The following ECSIT variants were observed in gnomAD, a reference collection of about 807,000 sequenced individuals.
ECSIT encodes evolutionarily conserved signaling intermediate in Toll pathway, mitochondrial.
A neutral mutation model predicts 36.8 loss-of-function variants in ECSIT; 29 were observed. That is an observed-to-expected ratio of 0.79 (90% CI 0.59 to 1.08). ECSIT has a LOEUF of 1.08. Among genes scored for constraint, ECSIT ranks in the 50% least tolerant of loss-of-function variants. The probability of loss-of-function intolerance (pLI) is 0.00; values close to 1 mark genes in which losing one functional copy is unlikely to be tolerated. For missense variants in ECSIT, 542 were observed against 581.0 expected (o/e 0.93, Z 0.69); for synonymous variants, 231 against 234.8 (o/e 0.98, Z 0.15).
In ECSIT at chr19:11,513,836, C is replaced by T. The variant is rs1971927524; in HGVS notation, c.482G>A (p.Gly161Glu). Residue 161 changes from glycine (G) to glutamate (E), a missense_variant, in exon 3 of 8, where the codon GGG (glycine) becomes GAG (glutamate). Physicochemically the swap from Gly to Glu is moderately conservative, Grantham distance 98 (BLOSUM62 -2). Coordinates refer to ENST00000270517, the MANE Select transcript of ECSIT (RefSeq NM_016581.5). ...CTCCATCTGCTCCAGGACAGCAATC[C>T]CACACTCCTGCTGCCGAGGGTAGTG... ...FVHYPRQQEC[G>E]IAVLEQMENH... 1 of 1,614,004 alleles carries T rather than the reference C, an allele frequency of 6.2e-7. No homozygotes were observed. The highest frequency in any genetic ancestry group is 1.1e-5 in the South Asian group (1 of 91,086).
chr19:11,519,158 G>C lies in ECSIT; in HGVS notation c.13C>G (p.Gln5Glu). 6.5e-7 allele frequency: 1 copy of C among 1,549,982 alleles called. No individual in the cohort carries two copies. Among genetic ancestry groups the C allele is most frequent in the African/African-American group, 1.4e-5 (1 of 73,116 alleles). MSWVQATLLARGLCR... is the reference protein window; with the variant it reads MSWVEATLLARGLCR... ...AGGCCTCGGGCCAGTAGGGTGGCCT[G>C]GACCCAGCTCATGCCTCTGCTTGTC... The change falls in exon 2 of 8, where the codon CAG (glutamine) becomes GAG (glutamate). Residue 5 changes from glutamine (Q) to glutamate (E), a missense_variant. Transcript: ENST00000270517. This position sits in a 1 kb window ranked among gnomAD's most constrained non-coding sequence, Gnocchi z 4.4.
At position 11,506,294 on chromosome 19, in the gene ECSIT, A is replaced by G. The variant is rs1971735165; in HGVS notation, c.1186T>C (p.Ser396Pro). ...QIPVVFRLAG[S>P]TRELQTSSAG... ...GAGGATGTCTGGAGCTCCCGGGTGG[A>G]CCCGGCGAGGCGGAAGACCACGGGG... Residue 396 changes from serine to proline, a missense_variant, in exon 8 of 8, where the codon TCC (serine) becomes CCC (proline). Physicochemically the swap from Ser to Pro is moderately conservative, Grantham distance 74 (BLOSUM62 -1). Coordinates refer to ENST00000270517, the MANE Select transcript of ECSIT (RefSeq NM_016581.5). 6.2e-7 allele frequency: 1 copy of G among 1,612,558 alleles called. No individual in the cohort carries two copies. The highest frequency in any genetic ancestry group is 8.5e-7 in the Non-Finnish European group (1 of 1,179,806).
chr19:11,518,922 A>G (rs1309336406), intron 2 of ECSIT, among the ~76,000 whole-genome samples, 153 bp downstream of exon 2: 3 of 152,164 alleles, frequency 2.0e-5, no homozygotes, highest in Non-Finnish European at 4.4e-5. Context: ...ACATACATAC[A>G]TACATAAACT....
chr19:11,512,409 G>A (rs1442793806), intron 4 of ECSIT, among the ~76,000 whole-genome samples: 2 of 152,102 alleles, frequency 1.3e-5, no homozygotes, highest in Non-Finnish European at 2.9e-5. Flanking sequence ...ACACAGCAAG[G>A]TGTCATCTTT....
chr19:11,523,720 A>G, intron 1 of ECSIT: 1 of 689,462 alleles, frequency 1.5e-6, no homozygotes, highest in South Asian at 1.4e-5. Context: ...TAAAATTGAG[A>G]GAAGGGAAAC....
At chr19:11,521,455 A>ATTT (rs143007908) in intron 1 of ECSIT, among the ~76,000 whole-genome samples, 16 of 140,710 alleles carry the variant, frequency 1.1e-4, no homozygotes, top group African/African-American at 4.1e-4. Flanking sequence ...TTATACGTGG[A>ATTT]TTTTTTTTTT....
intron 4 of ECSIT, among the ~76,000 whole-genome samples, chr19:11,509,876 T>G (rs1259238281): frequency 6.7e-6 from 1 of 148,504 alleles, no homozygotes; most frequent in Non-Finnish European, 1.5e-5. Flanking sequence ...TAAAGAAACT[T>G]TTTTTTTTTT....
chr19:11,512,591 T>C (rs1196162917), intron 4 of ECSIT, among the ~76,000 whole-genome samples: 1 of 152,080 alleles, frequency 6.6e-6, no homozygotes, highest in African/African-American at 2.4e-5. Flanking sequence ...CAAGCTGTGC[T>C]AGCAGTAAGG....
In ECSIT at chr19:11,505,942, C is replaced by G. The variant is rs1040372432; in HGVS notation, c.*242G>C. On this transcript the variant is annotated 3_prime_UTR_variant, in exon 8 of 8. Coordinates refer to ENST00000270517, the MANE Select transcript of ECSIT (RefSeq NM_016581.5). ...GGAAACTGCGCATGCGCACAACCAA[C>G]AGCGCTCCCGCCCCTTTTTATTTGA... The G allele has an allele frequency of 1.1e-6, 1 of 898,470 alleles. No homozygotes were observed. The highest frequency in any genetic ancestry group is 3.4e-5 in the Admixed American group (1 of 29,748). 55.7% of individuals were successfully genotyped at this position (898,470 alleles called of 1,614,324 possible). A position where few individuals can be genotyped will look rare whatever the true frequency, so the allele number is the denominator to read the frequency against.
chr19:11,519,151 G>A lies in ECSIT; in HGVS notation c.20C>T (p.Thr7Ile). ...CCTACAGAGGCCTCGGGCCAGTAGG[G>A]TGGCCTGGACCCAGCTCATGCCTCT... is the stretch of plus-strand genomic sequence containing the variant. Reference protein sequence around the residue: MSWVQATLLARGLCRAW... With the variant: MSWVQAILLARGLCRAW... The change falls in exon 2 of 8, where the codon ACC (threonine) becomes ATC (isoleucine). Residue 7 changes from threonine (T) to isoleucine (I), a missense_variant. Coordinates refer to ENST00000270517, the MANE Select transcript of ECSIT (RefSeq NM_016581.5). This position sits in a 1 kb window ranked among gnomAD's most constrained non-coding sequence, Gnocchi z 4.4. The A allele has an allele frequency of 6.5e-7, 1 of 1,550,268 alleles. No homozygotes were observed. The highest frequency in any genetic ancestry group is 1.4e-5 in the African/African-American group (1 of 73,144).
Position 11,513,129 on chromosome 19 carries a change from T to A in ECSIT, c.665A>T (p.Asp222Val). Residue 222 changes from aspartate (D) to valine (V), a missense_variant, in exon 4 of 8, where the codon GAC becomes GTC. Asp to Val is a radical substitution (Grantham distance 152). Transcript: ENST00000270517. ...GCCAAACATGGCCAGCTCCACAGGG[T>A]CCTGGGGCAGGTCCCGGGGCACTGG... ...PFPVPRDLPQ[D>V]PVELAMFGLR... 6.2e-7 allele frequency: 1 copy of A among 1,614,152 alleles called. No homozygotes were observed. The highest frequency in any genetic ancestry group is 1.1e-5 in the South Asian group (1 of 91,088).
chr19:11,518,197 C>G (rs1331662115), intron 2 of ECSIT, among the ~76,000 whole-genome samples: 1 of 151,970 alleles, frequency 6.6e-6, no homozygotes, highest in African/African-American at 2.4e-5. Context: ...GAGGCCGAGG[C>G]GGGTGAATCA....
Position 11,519,042 on chromosome 19 carries a change from C to T in ECSIT, c.96+33G>A, listed in dbSNP as rs1972050965. 6.5e-7 allele frequency: 1 copy of T among 1,534,028 alleles called. No homozygotes were observed. Among genetic ancestry groups the T allele is most frequent in the African/African-American group, 1.4e-5 (1 of 72,692 alleles). ...GGGAGCAAATCCCAAGCTTACCTCC[C>T]TCTACCCAAAAGACTGCCTGGCTGG... On this transcript the variant is annotated intron_variant, in intron 2 of 7. Coordinates refer to ENST00000270517, the MANE Select transcript of ECSIT (RefSeq NM_016581.5). This position sits in a 1 kb window ranked among gnomAD's most constrained non-coding sequence, Gnocchi z 4.4.
intron 1 of ECSIT, chr19:11,522,448 C>A: frequency 1.4e-6 from 2 of 1,460,186 alleles, no homozygotes; most frequent in African/African-American, 1.4e-5. Context: ...GGTCCTGCGC[C>A]ATCAGCACAA....
chr19:11,522,509 C>G, intron 1 of ECSIT: 3 of 1,004,650 alleles, frequency 3.0e-6, no homozygotes, highest in Non-Finnish European at 4.6e-6. Flanking sequence ...GGGTAGGGCC[C>G]TCACCCAGGT....
rs771263133 is a variant in ECSIT at position 11,513,218 on chromosome 19, G to A, written c.576C>T (p.Tyr192=). The change falls in exon 4 of 8, where the codon TAC becomes TAT. Residue 192 remains tyrosine (Y), a synonymous_variant. Coordinates refer to ENST00000270517, the MANE Select transcript of ECSIT (RefSeq NM_016581.5). ...LLIQIFGRKS[Y]PMLKLVRLKL... is the part of the protein sequence containing the mutation. ...TCAGGCGCACCAACTTGAGCATGGG[G>A]TAGCTTTTGCGTCCAAAGATCTGAA... 1 of 1,614,166 alleles carries A rather than the reference G, an allele frequency of 6.2e-7. No homozygotes were observed. The highest frequency in any genetic ancestry group is 8.5e-7 in the Non-Finnish European group (1 of 1,180,042).
intron 4 of ECSIT, among the ~76,000 whole-genome samples, chr19:11,509,041 C>T (rs1325004528): frequency 6.6e-6 from 1 of 151,548 alleles, no homozygotes; most frequent in African/African-American, 2.4e-5. Flanking sequence ...AATTTTATAC[C>T]TTGAACATAA....
intron 4 of ECSIT, among the ~76,000 whole-genome samples, chr19:11,510,103 C>T (rs1288409502): frequency 1.3e-5 from 2 of 151,770 alleles, no homozygotes; most frequent in Non-Finnish European, 2.9e-5. Flanking sequence ...GAACTCCCAA[C>T]CTCTGGTGAT....
At position 11,522,563 on chromosome 19, in the gene ECSIT, A is replaced by T. The variant is rs532296040; in HGVS notation, c.-23-3370T>A. Reference sequence around the variant, plus strand: ...GGAACGCCCCGGTAAAAAAAAAAAAAATTAGCCAGTCATGGTGGTACATGC... The same window carrying T: ...GGAACGCCCCGGTAAAAAAAAAAAATATTAGCCAGTCATGGTGGTACATGC... On this transcript the variant is annotated intron_variant, in intron 1 of 7. Transcript: ENST00000270517. The T allele has an allele frequency of 8.5e-4, 552 of 651,094 alleles. 5 individuals are homozygous for T. In the South Asian group the frequency reaches 8.7e-3, roughly 10 times the overall value. The allele number at this position is 651,094 out of a possible 1,614,324, so 40.3% of individuals were successfully genotyped here.
Sources: allele counts gnomAD v4.1 joint callset (sites outside exome capture counted in the v4.1 genomes callset), GRCh38; gene constraint gnomAD v4.1.1; non-coding constraint Gnocchi (gnomAD v3.1); transcripts MANE v1.5; gene names NCBI Gene and HGNC (gene_info 2026-07-23, HGNC 2026-07-21).